The following KIF1B variants were observed in gnomAD, a reference collection of about 807,000 sequenced individuals.
KIF1B encodes kinesin family member 1B, also known as kinesin-like protein KIF1B.
Under a neutral mutation model 241.9 loss-of-function variants are expected in KIF1B, and 76 were observed. The ratio of observed to expected loss-of-function variants is 0.31; its 90% CI spans 0.26 to 0.38. The LOEUF (loss-of-function observed/expected upper bound fraction) is 0.38. KIF1B is among the 10% of genes least tolerant of loss of function. The pLI is 1.00. For missense variants in KIF1B, 1,622 were observed against 2,271.4 expected (o/e 0.71, Z 5.81); for synonymous variants, 750 against 796.7 (o/e 0.94, Z 0.99).
At chr1:10,376,022 T>TG (rs1156608088) in intron 48 of KIF1B, among the ~76,000 whole-genome samples, 1 of 150,030 alleles carries the variant, frequency 6.7e-6, no homozygotes, top group African/African-American at 2.5e-5. Context: ...AGGCTGGTCT[T>TG]GAACTCCTGA....
intron 38 of KIF1B, among the ~76,000 whole-genome samples, chr1:10,354,651 A>G (rs61055852): frequency 9.1e-4 from 139 of 152,108 alleles, no homozygotes; most frequent in African/African-American, 3.1e-3. Context: ...GAAGTTAGAT[A>G]ATAATAATAA....
At chr1:10,295,438 C>T (rs897636073) in intron 18 of KIF1B, among the ~76,000 whole-genome samples, 3 of 152,014 alleles carry the variant, frequency 2.0e-5, no homozygotes, top group African/African-American at 7.3e-5. Flanking sequence ...CTTTATAATA[C>T]TGTATGAGTT....
chr1:10,224,795 C>CA (rs377699166), intron 1 of KIF1B, among the ~76,000 whole-genome samples: 23 of 151,438 alleles, frequency 1.5e-4, no homozygotes, highest in South Asian at 6.3e-4. Context: ...GGAATTCAAC[C>CA]AAAAAAAATA....
At chr1:10,363,383 G>T in intron 41 of KIF1B, 39 bp downstream of exon 41, 2 of 1,523,914 alleles carry the variant, frequency 1.3e-6, no homozygotes. Context: ...AGTTATCTTT[G>T]TGTATGTTTC....
Position 10,272,228 on chromosome 1 carries a change from G to T in KIF1B, c.799-13G>T. On this transcript the variant is annotated splice_polypyrimidine_tract_variant and intron_variant, in intron 8 of 48. Coordinates refer to ENST00000676179, the MANE Select transcript of KIF1B (RefSeq NM_001365951.3). The stretch of plus-strand genomic sequence containing the variant: ...ATTCTTCATCATTCTTTCATATTTG[G>T]TATTTATTTTAGGAAGGAGCAAATA... The T allele has an allele frequency of 6.9e-7, 1 of 1,439,988 alleles. No individual in the cohort carries two copies. Among genetic ancestry groups the T allele is most frequent in the Non-Finnish European group, 9.8e-7 (1 of 1,021,658 alleles). 89.2% of individuals were successfully genotyped at this position (1,439,988 alleles called of 1,614,324 possible).
chr1:10,304,440 G>C (rs1557701982), intron 22 of KIF1B: 7 of 1,612,310 alleles, frequency 4.3e-6, no homozygotes, highest in Non-Finnish European at 5.9e-6. Flanking sequence ...CTGATGTACA[G>C]ACTTTCCAGG....
At chr1:10,369,613 A>G (rs1638670581) in intron 44 of KIF1B, among the ~76,000 whole-genome samples, 1 of 152,120 alleles carries the variant, frequency 6.6e-6, no homozygotes. Context: ...AGCCTGTGTG[A>G]CAGTATTTTT....
intron 5 of KIF1B, among the ~76,000 whole-genome samples, chr1:10,266,591 A>G (rs1486782631): frequency 6.6e-6 from 1 of 152,202 alleles, no homozygotes; most frequent in Non-Finnish European, 1.5e-5. Flanking sequence ...GCCTTAAAGA[A>G]TTAGCATCAC....
rs34851583 is a variant in KIF1B, at chr1:10,270,925, C to CAA, written c.721-562_721-561dup. ...TGGGTGACAGAGCGAGACTCTGTCT[C>CAA]AAAAAAAAAAAAAAAAGGAAAGAAA... On this transcript the variant is annotated intron_variant, in intron 7 of 48. Coordinates refer to ENST00000676179, the MANE Select transcript of KIF1B (RefSeq NM_001365951.3). Among the ~76,000 whole-genome samples, 29 of 91,134 alleles carry CAA rather than the reference C, an allele frequency of 3.2e-4. 1 individual carries two copies. The highest frequency in any genetic ancestry group is 2.3e-3 in the South Asian group (7 of 3,062). The allele number at this position is 91,134 out of a possible 152,430, so 59.8% of individuals were successfully genotyped here. A position where few individuals can be genotyped will look rare whatever the true frequency, so the allele number is the denominator to read the frequency against.
chr1:10,275,424 A>G lies in KIF1B; in HGVS notation c.883-4A>G, dbSNP rs747362975. 1.3e-6 allele frequency: 2 copies of G among 1,507,632 alleles called. No homozygotes were observed. The highest frequency in any genetic ancestry group is 1.7e-5 in the Admixed American group (1 of 59,876). The allele number at this position is 1,507,632 out of a possible 1,614,324, so 93.4% of individuals were successfully genotyped here. ...TGCTAAGACCATTTCTTTTCCTTTA[A>G]TAGAGTAAAAAGAAGAAGAAAACAG... is the stretch of plus-strand genomic sequence containing the variant. On this transcript the variant is annotated splice_polypyrimidine_tract_variant and splice_region_variant and intron_variant, in intron 10 of 48. Coordinates refer to ENST00000676179, the MANE Select transcript of KIF1B (RefSeq NM_001365951.3).
intron 27 of KIF1B, among the ~76,000 whole-genome samples, chr1:10,329,536 C>T (rs1333400538): frequency 1.3e-5 from 2 of 152,146 alleles, no homozygotes; most frequent in Non-Finnish European, 2.9e-5. Flanking sequence ...AGTTCGAAAC[C>T]AGCCTGGCCA....
Position 10,303,328 on chromosome 1 carries a change from T to G in KIF1B, c.2115+6082T>G. ...GAAGAAACGTGAACCAATTAAAATG[T>G]ATCAGATACCCCAAAGAAGGCGCTT... is the stretch of plus-strand genomic sequence containing the variant. On this transcript the variant is annotated intron_variant, in intron 22 of 48. Transcript: ENST00000676179. This position sits in a 1 kb window ranked among gnomAD's most constrained non-coding sequence, Gnocchi z 5.2. The G allele has an allele frequency of 6.2e-7, 1 of 1,614,186 alleles. No individual in the cohort carries two copies. The highest frequency in any genetic ancestry group is 8.5e-7 in the Non-Finnish European group (1 of 1,180,034).
At chr1:10,224,772 A>G (rs968875321) in intron 1 of KIF1B, among the ~76,000 whole-genome samples, 1 of 152,150 alleles carries the variant, frequency 6.6e-6, no homozygotes, top group African/African-American at 2.4e-5. Flanking sequence ...GTTTGTTGAC[A>G]TCCAGTTAAA....
At position 10,339,816 on chromosome 1, in the gene KIF1B, A is replaced by G. The variant is rs769332579; in HGVS notation, c.3470A>G (p.Asn1157Ser). 4 of 1,614,056 alleles carry G rather than the reference A, an allele frequency of 2.5e-6. No individual in the cohort carries two copies. Among genetic ancestry groups the G allele is most frequent in the Non-Finnish European group, 3.4e-6 (4 of 1,180,038 alleles). The change falls in exon 32 of 49, where the codon AAC (asparagine) becomes AGC (serine). Residue 1157 changes from asparagine (N) to serine (S), a missense_variant. Around this residue, in one of 7 missense-constraint regions of KIF1B, gnomAD observed 803 missense variants for 1,112.0 expected, o/e 0.72. Transcript: ENST00000676179. ...DEAFSTEPLK[N>S]NGRGSPLAFY... is the part of the protein sequence containing the mutation. ...GCATTCTCCACGGAGCCCCTCAAAA[A>G]CAATGGCAGAGGAAGTCCCCTGGCC...
In KIF1B at chr1:10,374,611, G is replaced by GGGC; in HGVS notation, c.5096+147_5096+149dup. 1 of 1,041,948 alleles carries GGGC rather than the reference G, an allele frequency of 9.6e-7. No homozygotes were observed. The highest frequency in any genetic ancestry group is 1.3e-5 in the South Asian group (1 of 74,946). 64.5% of individuals were successfully genotyped at this position (1,041,948 alleles called of 1,614,324 possible). A position where few individuals can be genotyped will look rare whatever the true frequency, so the allele number is the denominator to read the frequency against. ...GATGCAAGTTGAGTCTGGGGTGAGAGGGCCAGCCTGGGTTTCTCCAGTTGG... is the reference window on the plus strand; with the variant it reads ...GATGCAAGTTGAGTCTGGGGTGAGAGGGCGGCCAGCCTGGGTTTCTCCAGTTGG... On this transcript the variant is annotated intron_variant, in intron 46 of 48. Transcript: ENST00000676179. This position sits in a 1 kb window ranked among gnomAD's most constrained non-coding sequence, Gnocchi z 4.3.
rs141636272 is a variant in KIF1B, at chr1:10,310,736, A to G, written c.2116-9307A>G. 9.2e-5 allele frequency among the ~76,000 whole-genome samples: 14 copies of G among 151,624 alleles called. 1 individual carries two copies. Among genetic ancestry groups the G allele is most frequent in the African/African-American group, 2.7e-4 (11 of 40,916 alleles). On this transcript the variant is annotated intron_variant, in intron 22 of 48. Coordinates refer to ENST00000676179, the MANE Select transcript of KIF1B (RefSeq NM_001365951.3). ...ACAAATGTGTGGTCCCTGGCCTCAT[A>G]AAGTTCTCAGAGTTATGGAGGGAGA... is the stretch of plus-strand genomic sequence containing the variant.
At chr1:10,358,935 TGTTA>T (rs1383286048) in intron 38 of KIF1B, among the ~76,000 whole-genome samples, 3 of 152,162 alleles carry the variant, frequency 2.0e-5, no homozygotes, top group East Asian at 1.9e-4. Context: ...GTCTTTGACT[TGTTA>T]GTTGTTTCTC....
At chr1:10,370,593 TAAGAAGAAG>T (rs70997223) in intron 44 of KIF1B, among the ~76,000 whole-genome samples, 7 of 141,378 alleles carry the variant, frequency 5.0e-5, no homozygotes, top group African/African-American at 1.6e-4. Context: ...ATAATAATAA[TAAGAAGAAG>T]AAGAAGAAGA....
At chr1:10,217,489 G>A (rs905320325) in intron 1 of KIF1B, among the ~76,000 whole-genome samples, 12 of 151,350 alleles carry the variant, frequency 7.9e-5, no homozygotes, top group African/African-American at 2.7e-4. Flanking sequence ...AGCTAATTTT[G>A]TATTTTTAGT....
Sources: gnomAD v4.1 joint callset for allele counts (sites outside exome capture counted in the v4.1 genomes callset) on GRCh38, gnomAD v4.1.1 for gene constraint, gnomAD v4.1.1 regional missense constraint, Gnocchi (gnomAD v3.1) non-coding constraint, MANE v1.5 for transcripts, NCBI Gene and HGNC (gene_info 2026-07-23, HGNC 2026-07-21) for gene names.